The following COL21A1 variants were observed in gnomAD, a reference collection of about 807,000 sequenced individuals.
COL21A1 encodes the protein collagen type XXI alpha 1 chain.
A neutral mutation model predicts 137.9 loss-of-function variants in COL21A1; 149 were observed. The ratio of observed to expected loss-of-function variants is 1.08; its 90% CI spans 0.95 to 1.24. The LOEUF (loss-of-function observed/expected upper bound fraction) is 1.24. Ranked by LOEUF, COL21A1 falls within the 50% of genes most tolerant of loss-of-function variation. The probability of loss-of-function intolerance (pLI) is 0.00; values close to 1 mark genes in which losing one functional copy is unlikely to be tolerated. For missense variants in COL21A1, 1,167 were observed against 1,158.4 expected (o/e 1.01, Z -0.11); for synonymous variants, 456 against 391.5 (o/e 1.16, Z -1.95).
intron 3 of COL21A1, among the ~76,000 whole-genome samples, chr6:56,172,803 T>C (rs1027234183): frequency 2.6e-5 from 4 of 152,126 alleles, no homozygotes; most frequent in African/African-American, 9.7e-5. Flanking sequence ...AAATATAGAA[T>C]ATTTATATGT....
At chr6:56,117,361 T>C (rs1396489898) in intron 16 of COL21A1, among the ~76,000 whole-genome samples, 1 of 151,912 alleles carries the variant, frequency 6.6e-6, no homozygotes, top group Admixed American at 6.6e-5. Flanking sequence ...CTCTATACAA[T>C]GATAAAGGGG....
intron 10 of COL21A1, among the ~76,000 whole-genome samples, chr6:56,151,204 C>T (rs954838490): frequency 2.0e-5 from 3 of 152,046 alleles, no homozygotes; most frequent in Non-Finnish European, 1.5e-5. Context: ...CCAGCCTGGA[C>T]GACAGAGCAA....
At chr6:56,069,987 C>A (rs1766603282) in intron 21 of COL21A1, among the ~76,000 whole-genome samples, 1 of 151,462 alleles carries the variant, frequency 6.6e-6, no homozygotes, top group South Asian at 2.1e-4. Flanking sequence ...CAGTTCTCCA[C>A]TCTCCATCAT....
intron 17 of COL21A1, among the ~76,000 whole-genome samples, chr6:56,082,570 C>T (rs17751143): frequency 0.15 from 23,051 of 151,656 alleles, 1,776 homozygotes; most frequent in Middle Eastern, 0.22. Flanking sequence ...TTCAAAGACC[C>T]TTTTTAACTT....
intron 1 of COL21A1, among the ~76,000 whole-genome samples, chr6:56,307,163 G>A (rs180742314): frequency 6.6e-6 from 1 of 152,160 alleles, no homozygotes; most frequent in Non-Finnish European, 1.5e-5. Flanking sequence ...TAGGCAACTT[G>A]GGGGTCAGGG....
intron 1 of COL21A1, among the ~76,000 whole-genome samples, chr6:56,264,206 A>T (rs1486849908): frequency 1.3e-5 from 2 of 152,144 alleles, no homozygotes; most frequent in African/African-American, 4.8e-5. Flanking sequence ...ATTTCAAATA[A>T]ATCCACAAGA....
chr6:56,287,954 A>G (rs912467957), intron 1 of COL21A1, among the ~76,000 whole-genome samples: 4 of 152,152 alleles, frequency 2.6e-5, no homozygotes, highest in Non-Finnish European at 5.9e-5. Flanking sequence ...GAAACTAAAC[A>G]AGGCAAGGAC....
intron 12 of COL21A1, among the ~76,000 whole-genome samples, chr6:56,134,725 A>G (rs1773848166): frequency 6.6e-6 from 1 of 152,202 alleles, no homozygotes; most frequent in South Asian, 2.1e-4. Context: ...TTCACATGAT[A>G]GTGAATAAGT....
At chr6:56,119,457 C>A (rs2152203543) in intron 16 of COL21A1, among the ~76,000 whole-genome samples, 1 of 152,176 alleles carries the variant, frequency 6.6e-6, no homozygotes, top group Non-Finnish European at 1.5e-5. Flanking sequence ...TTTGAAGAAT[C>A]AATATTGTTT....
intron 8 of COL21A1, 138 bp downstream of exon 8, chr6:56,164,676 A>T: frequency 1.2e-6 from 1 of 852,106 alleles, no homozygotes; most frequent in Non-Finnish European, 1.8e-6. Flanking sequence ...ACAAAAATCT[A>T]TAAATATTAA....
chr6:56,199,053 G>A (rs894207050), intron 1 of COL21A1, among the ~76,000 whole-genome samples: 12 of 152,000 alleles, frequency 7.9e-5, no homozygotes, highest in African/African-American at 2.9e-4. Flanking sequence ...AACCTTGTGA[G>A]AAATGCTACC....
intron 1 of COL21A1, among the ~76,000 whole-genome samples, chr6:56,370,930 G>T (rs925863030): frequency 1.6e-4 from 24 of 152,202 alleles, no homozygotes; most frequent in African/African-American, 5.8e-4. Flanking sequence ...GAAGGAGGCA[G>T]CTTATTTACA....
chr6:56,327,825 G>C (rs1765130971), intron 1 of COL21A1, among the ~76,000 whole-genome samples: 2 of 151,962 alleles, frequency 1.3e-5, no homozygotes, highest in Admixed American at 1.3e-4. Flanking sequence ...CTACCTGCTA[G>C]GGTTGCTATG....
chr6:56,168,790 T>C (rs1373837369), intron 5 of COL21A1, among the ~76,000 whole-genome samples: 1 of 151,934 alleles, frequency 6.6e-6, no homozygotes, highest in Non-Finnish European at 1.5e-5. Flanking sequence ...AGGGCATTAC[T>C]CATAGGTCTA....
intron 1 of COL21A1, among the ~76,000 whole-genome samples, chr6:56,268,675 C>T (rs574254356): frequency 6.6e-6 from 1 of 152,290 alleles, no homozygotes; most frequent in African/African-American, 2.4e-5. Context: ...GGAACATCAG[C>T]CCTCTCAGAT....
At chr6:56,190,270 T>G (rs1778573629) in intron 1 of COL21A1, among the ~76,000 whole-genome samples, 1 of 152,088 alleles carries the variant, frequency 6.6e-6, no homozygotes, top group Admixed American at 6.6e-5. Flanking sequence ...TCACCACTGA[T>G]CTCACAGAAA....
intron 12 of COL21A1, among the ~76,000 whole-genome samples, chr6:56,140,435 T>C (rs927949667): frequency 3.9e-5 from 6 of 152,186 alleles, no homozygotes; most frequent in African/African-American, 1.4e-4. Context: ...TAGGAGTCTT[T>C]GGAGAAAATC....
At chr6:56,130,165 T>TTATATATA (rs201644225) in intron 12 of COL21A1, among the ~76,000 whole-genome samples, 1,096 of 106,892 alleles carry the variant, frequency 0.01, 11 homozygotes, top group Non-Finnish European at 0.012. Flanking sequence ...TGACAGGGTT[T>TTATATATA]TATATATATA....
intron 17 of COL21A1, among the ~76,000 whole-genome samples, chr6:56,098,184 A>C (rs186357912): frequency 0.05 from 392 of 7,790 alleles, 79 homozygotes; most frequent in East Asian, 0.25. Context: ...TATATAAATA[A>C]ATATATAAAT....
Sources: gnomAD v4.1 joint callset for allele counts (sites outside exome capture counted in the v4.1 genomes callset) on GRCh38, gnomAD v4.1.1 for gene constraint, MANE v1.5 for transcripts, NCBI Gene and HGNC (gene_info 2026-07-23, HGNC 2026-07-21) for gene names.